Variants in NRG3 observed in about 807,000 individuals in gnomAD.
The protein encoded by NRG3 is pro-neuregulin-3, membrane-bound isoform.
A neutral mutation model predicts 66.9 loss-of-function variants in NRG3; 31 were observed. The observed-to-expected ratio is 0.46, with a 90% CI of 0.35 to 0.63. The LOEUF (loss-of-function observed/expected upper bound fraction) is 0.63, where lower values mean the gene tolerates loss of function less well. NRG3 is among the 20% of genes least tolerant of loss of function. The pLI, the probability that NRG3 is intolerant of heterozygous loss-of-function variation, is 0.00. For missense variants in NRG3, 910 were observed against 878.9 expected (o/e 1.04, Z -0.45); for synonymous variants, 393 against 359.4 (o/e 1.09, Z -1.06).
intron 2 of NRG3, among the ~76,000 whole-genome samples, chr10:82,638,421 A>G (rs747396134): frequency 2.6e-5 from 4 of 152,172 alleles, no homozygotes; most frequent in Non-Finnish European, 4.4e-5. Flanking sequence ...GTCCCTGGGA[A>G]TATTTTTGTT....
At chr10:82,614,795 C>T (rs1234312705) in intron 2 of NRG3, among the ~76,000 whole-genome samples, 2 of 152,224 alleles carry the variant, frequency 1.3e-5, no homozygotes, top group African/African-American at 4.8e-5. Context: ...CAATCTTCAT[C>T]CAAAACCCGT....
intron 1 of NRG3, among the ~76,000 whole-genome samples, chr10:82,171,869 C>T (rs144170777): frequency 6.6e-6 from 1 of 152,210 alleles, no homozygotes; most frequent in African/African-American, 2.4e-5. Flanking sequence ...ACACTGCTTC[C>T]TATATCTTAT....
chr10:82,425,794 G>A (rs562689022), intron 2 of NRG3, among the ~76,000 whole-genome samples: 14 of 152,232 alleles, frequency 9.2e-5, no homozygotes, highest in African/African-American at 3.4e-4. Context: ...TTGTGTTTGA[G>A]TCTTGCCTGT....
intron 1 of NRG3, among the ~76,000 whole-genome samples, chr10:82,239,777 A>G (rs1177847553): frequency 6.6e-6 from 1 of 152,008 alleles, no homozygotes; most frequent in East Asian, 1.9e-4. Context: ...TTAGATTTTT[A>G]TTCCACCTTT....
chr10:82,316,009 C>T (rs941704124), intron 1 of NRG3, among the ~76,000 whole-genome samples: 8 of 151,912 alleles, frequency 5.3e-5, no homozygotes, highest in Admixed American at 2.0e-4. Flanking sequence ...AGATTTTTGG[C>T]CTAGCATAAT....
At chr10:81,887,722 T>C (rs1456371728) in intron 1 of NRG3, among the ~76,000 whole-genome samples, 2 of 152,286 alleles carry the variant, frequency 1.3e-5, no homozygotes, top group East Asian at 3.9e-4. Context: ...CTTCAAATAG[T>C]TCACAAATGC....
At chr10:82,123,821 C>A in intron 1 of NRG3, among the ~76,000 whole-genome samples, 1 of 149,794 alleles carries the variant, frequency 6.7e-6, no homozygotes, top group Non-Finnish European at 1.5e-5. Context: ...CACCCCAGAG[C>A]TCTGGAGCAT....
intron 8 of NRG3, among the ~76,000 whole-genome samples, chr10:82,983,650 A>G (rs989481775): frequency 2.0e-5 from 3 of 152,232 alleles, no homozygotes; most frequent in African/African-American, 7.2e-5. Flanking sequence ...ATAATAATAA[A>G]TAAACTACAA....
At chr10:82,044,468 C>A (rs7082184) in intron 1 of NRG3, among the ~76,000 whole-genome samples, 130,955 of 151,860 alleles carry the variant, frequency 0.86, 58,389 homozygotes, top group South Asian at 0.99. Context: ...CAGAGAAAAA[C>A]CATGCAGACA....
At chr10:82,941,283 G>A (rs959852594) in intron 4 of NRG3, among the ~76,000 whole-genome samples, 14 of 152,094 alleles carry the variant, frequency 9.2e-5, no homozygotes, top group African/African-American at 3.4e-4. Flanking sequence ...TGATCTCATG[G>A]TAAGGATTCC....
chr10:81,976,288 AG>A (rs1332387813), intron 1 of NRG3, among the ~76,000 whole-genome samples: 1 of 152,162 alleles, frequency 6.6e-6, no homozygotes, highest in Non-Finnish European at 1.5e-5. Context: ...GTTAGCTAAT[AG>A]GCACTATAAA....
At chr10:81,938,304 C>A (rs766745218) in intron 1 of NRG3, among the ~76,000 whole-genome samples, 31 of 151,634 alleles carry the variant, frequency 2.0e-4, no homozygotes, top group African/African-American at 7.2e-4. Flanking sequence ...TGAATCAGAT[C>A]TCTTTGGGTA....
rs539669207 is a variant in NRG3 at position 82,196,422 on chromosome 10, A to C, written c.824-162317A>C. Among the ~76,000 whole-genome samples, 42 of 152,334 alleles carry C rather than the reference A, an allele frequency of 2.8e-4. 1 individual carries two copies. In the Middle Eastern group the frequency reaches 0.02, roughly 74 times the overall value. On this transcript the variant is annotated intron_variant, in intron 1 of 8. Transcript: ENST00000372141. ...GATGATTCTAATACTCTTTTGAAGC[A>C]CTAGAAAGTACACTGGCCTGAGAAA...
intron 1 of NRG3, among the ~76,000 whole-genome samples, chr10:82,032,931 T>G (rs2062634743): frequency 6.6e-6 from 1 of 152,140 alleles, no homozygotes; most frequent in Non-Finnish European, 1.5e-5. Flanking sequence ...CAAAAGTAAA[T>G]GTTAAAGAAT....
chr10:82,713,980 T>C (rs957446153), intron 2 of NRG3, among the ~76,000 whole-genome samples: 2 of 152,142 alleles, frequency 1.3e-5, no homozygotes, highest in African/African-American at 4.8e-5. Context: ...CCGCCATGGT[T>C]GTCATGGTAT....
chr10:82,309,699 T>C (rs993139384), intron 1 of NRG3, among the ~76,000 whole-genome samples: 1 of 152,046 alleles, frequency 6.6e-6, no homozygotes, highest in Non-Finnish European at 1.5e-5. Context: ...GCTAAAAAAT[T>C]GACTGAAACA....
intron 2 of NRG3, among the ~76,000 whole-genome samples, chr10:82,454,211 C>T (rs2091166535): frequency 6.6e-6 from 1 of 152,200 alleles, no homozygotes; most frequent in African/African-American, 2.4e-5. Flanking sequence ...AACTGCCCCA[C>T]ACCCTCTGAG....
intron 1 of NRG3, among the ~76,000 whole-genome samples, chr10:82,186,523 G>T (rs1249159040): frequency 1.3e-5 from 2 of 152,154 alleles, no homozygotes; most frequent in East Asian, 3.9e-4. Context: ...AATTTGCAGG[G>T]TATGTGGGCA....
chr10:81,877,249 T>G (rs1841752554), intron 1 of NRG3, among the ~76,000 whole-genome samples: 1 of 152,166 alleles, frequency 6.6e-6, no homozygotes, highest in Non-Finnish European at 1.5e-5. Context: ...CTTGTTCTTA[T>G]TCAAAGGAAA....
Sources: allele counts gnomAD v4.1 joint callset (sites outside exome capture counted in the v4.1 genomes callset), GRCh38; gene constraint gnomAD v4.1.1; transcripts MANE v1.5; gene names NCBI Gene and HGNC (gene_info 2026-07-23, HGNC 2026-07-21).